SOX5: variants seen among roughly 807,000 people sequenced by gnomAD.
SOX5 encodes transcription factor SOX-5.
A neutral mutation model predicts 92.0 loss-of-function variants in SOX5; 9 were observed. That is an observed-to-expected ratio of 0.10 (90% CI 0.06 to 0.17). The LOEUF (loss-of-function observed/expected upper bound fraction) is 0.17. SOX5 is among the 10% of genes least tolerant of loss of function. The pLI, the probability that SOX5 is intolerant of heterozygous loss-of-function variation, is 1.00. For synonymous variants in SOX5, 344 were observed against 336.3 expected, an observed-to-expected ratio of 1.02 and a Z score of -0.25; for missense variants, 642 against 944.5, an observed-to-expected ratio of 0.68 and a Z score of 4.20.
At chr12:24,026,084 AG>A (rs1393385687) in intron 4 of SOX5, among the ~76,000 whole-genome samples, 1 of 152,118 alleles carries the variant, frequency 6.6e-6, no homozygotes, top group Non-Finnish European at 1.5e-5. Flanking sequence ...GATAGTAAGA[AG>A]AAAACAAAAT....
intron 2 of SOX5, among the ~76,000 whole-genome samples, chr12:24,360,525 AATAG>A (rs1248636529): frequency 6.6e-6 from 1 of 152,234 alleles, no homozygotes; most frequent in Non-Finnish European, 1.5e-5. Flanking sequence ...TAGCAAGGCA[AATAG>A]ATAGGAAAAG....
At chr12:23,684,077 C>A (rs1419050126) in intron 6 of SOX5, among the ~76,000 whole-genome samples, 1 of 151,896 alleles carries the variant, frequency 6.6e-6, no homozygotes, top group Non-Finnish European at 1.5e-5. Context: ...TTCAGTATCA[C>A]ATTAAATATA....
At chr12:23,901,395 T>C (rs1357865513) in intron 1 of SOX5, among the ~76,000 whole-genome samples, 1 of 152,216 alleles carries the variant, frequency 6.6e-6, no homozygotes, top group Non-Finnish European at 1.5e-5. Context: ...AGCCACTATA[T>C]TTGTGATGAT....
intron 6 of SOX5, among the ~76,000 whole-genome samples, chr12:23,716,541 A>G (rs1194883746): frequency 6.6e-6 from 1 of 152,206 alleles, no homozygotes; most frequent in Non-Finnish European, 1.5e-5. Context: ...TTCTTGGGGA[A>G]AAAGAAACAC....
intron 1 of SOX5, among the ~76,000 whole-genome samples, chr12:24,419,755 T>A (rs543299969): frequency 1.3e-5 from 2 of 152,228 alleles, no homozygotes; most frequent in Non-Finnish European, 2.9e-5. Flanking sequence ...ATATCTAGAA[T>A]GTATATGACA....
chr12:24,059,132 A>G (rs1484827024), intron 4 of SOX5, among the ~76,000 whole-genome samples: 7 of 152,224 alleles, frequency 4.6e-5, no homozygotes, highest in African/African-American at 1.7e-4. Context: ...ATACACATAT[A>G]CTGTATGCAT....
At chr12:24,248,337 G>A (rs2140134786) in intron 3 of SOX5, among the ~76,000 whole-genome samples, 1 of 152,296 alleles carries the variant, frequency 6.6e-6, no homozygotes, top group South Asian at 2.1e-4. Context: ...TAGTCTTCAG[G>A]AAGCTGGGCT....
intron 3 of SOX5, among the ~76,000 whole-genome samples, chr12:24,222,153 CT>C (rs1281130783): frequency 6.6e-6 from 1 of 152,174 alleles, no homozygotes; most frequent in Non-Finnish European, 1.5e-5. Context: ...GACAGCTCCT[CT>C]TTTCCCCCCC....
At chr12:23,729,220 A>C (rs1448118110) in intron 6 of SOX5, among the ~76,000 whole-genome samples, 1 of 152,140 alleles carries the variant, frequency 6.6e-6, no homozygotes, top group African/African-American at 2.4e-5. Context: ...GTTAGGTATT[A>C]TATTTCCTTT....
chr12:24,383,969 G>T (rs1290814015), intron 1 of SOX5, among the ~76,000 whole-genome samples: 7 of 152,154 alleles, frequency 4.6e-5, no homozygotes, highest in African/African-American at 1.7e-4. Flanking sequence ...TCTCATGATA[G>T]TGAGTTCTCA....
chr12:24,320,108 C>T (rs974640729), intron 2 of SOX5, among the ~76,000 whole-genome samples: 6 of 152,120 alleles, frequency 3.9e-5, no homozygotes. Flanking sequence ...CTCCAGATGG[C>T]CATGTAAACA....
chr12:24,315,310 T>C (rs369240788), intron 2 of SOX5, among the ~76,000 whole-genome samples: 26 of 152,308 alleles, frequency 1.7e-4, no homozygotes, highest in South Asian at 1.7e-3. Flanking sequence ...TTTCTTCCTA[T>C]GCACATATAT....
intron 4 of SOX5, among the ~76,000 whole-genome samples, chr12:24,194,196 G>A (rs1956788668): frequency 6.6e-6 from 1 of 152,130 alleles, no homozygotes; most frequent in African/African-American, 2.4e-5. Flanking sequence ...GTGTATTCTT[G>A]TGGTCACCAT....
intron 1 of SOX5, among the ~76,000 whole-genome samples, chr12:24,513,936 T>C (rs758412402): frequency 8.5e-5 from 13 of 152,192 alleles, no homozygotes; most frequent in Non-Finnish European, 1.6e-4. Context: ...ACAGCTCTAA[T>C]TTTGGGATGT....
intron 3 of SOX5, among the ~76,000 whole-genome samples, chr12:23,772,462 A>T (rs2094963362): frequency 6.6e-6 from 1 of 152,228 alleles, no homozygotes; most frequent in Non-Finnish European, 1.5e-5. Flanking sequence ...TTCTGTAAAT[A>T]TTTGAAATAC....
chr12:24,110,994 C>T (rs1171308852), intron 4 of SOX5, among the ~76,000 whole-genome samples: 1 of 150,322 alleles, frequency 6.7e-6, no homozygotes, highest in African/African-American at 2.4e-5. Flanking sequence ...CAGGATTTCT[C>T]GACCCTTGGC....
Position 23,658,715 on chromosome 12 carries a change from A to G in SOX5, c.931+6729T>C, listed in dbSNP as rs535949087. Among the ~76,000 whole-genome samples the G allele has an allele frequency of 1.6e-4, 24 of 152,146 alleles. No individual in the cohort carries two copies. In the East Asian group the frequency reaches 2.7e-3, roughly 17 times the overall value. ...AAACCAGGCTGGCCAACATGGTGAA[A>G]CCCCATGTCTGCTAAAAATACAAAA... is the stretch of plus-strand genomic sequence containing the variant. On this transcript the variant is annotated intron_variant, in intron 7 of 14. Transcript: ENST00000451604.
intron 4 of SOX5, among the ~76,000 whole-genome samples, chr12:24,017,302 G>GA (rs1198156962): frequency 6.6e-6 from 1 of 152,094 alleles, no homozygotes; most frequent in Non-Finnish European, 1.5e-5. Context: ...CTAAGCTGGA[G>GA]AAAATCACGC....
At chr12:24,243,943 G>T (rs572558899) in intron 3 of SOX5, among the ~76,000 whole-genome samples, 2 of 151,734 alleles carry the variant, frequency 1.3e-5, no homozygotes, top group Admixed American at 1.3e-4. Flanking sequence ...TTACAGTTCT[G>T]CAGTTATTCT....
Sources: allele counts gnomAD v4.1 joint callset (sites outside exome capture counted in the v4.1 genomes callset), GRCh38; gene constraint gnomAD v4.1.1; transcripts MANE v1.5; gene names NCBI Gene and HGNC (gene_info 2026-07-23, HGNC 2026-07-21).